The following CSMD3 variants were observed in gnomAD, a reference collection of about 807,000 sequenced individuals.
The protein encoded by CSMD3 is CUB and sushi domain-containing protein 3.
Under a neutral mutation model 435.2 loss-of-function variants are expected in CSMD3, and 177 were observed. That is an observed-to-expected ratio of 0.41 (90% confidence interval 0.36 to 0.46). The LOEUF (loss-of-function observed/expected upper bound fraction) is 0.46. Ranked by LOEUF, CSMD3 falls within the 20% of genes least tolerant of loss-of-function variation. CSMD3 has a pLI of 0.34. For synonymous variants in CSMD3, 1,656 were observed against 1,520.5 expected (o/e 1.09, Z -2.07); for missense variants, 4,265 against 4,504.6 (o/e 0.95, Z 1.52).
At chr8:112,337,443 T>C (rs973300224) in intron 43 of CSMD3, 100 bp downstream of exon 43, 11 of 884,816 alleles carry the variant, frequency 1.2e-5, no homozygotes, top group African/African-American at 1.2e-4. Flanking sequence ...AGACTATATA[T>C]TTAGCATGCT....
At chr8:113,158,000 G>A (rs1554792845) in intron 4 of CSMD3, among the ~76,000 whole-genome samples, 1 of 151,866 alleles carries the variant, frequency 6.6e-6, no homozygotes, top group Non-Finnish European at 1.5e-5. Flanking sequence ...GAAGAATTTT[G>A]AAATCATTTC....
chr8:112,506,546 C>T, intron 29 of CSMD3, 145 bp downstream of exon 29: 1 of 748,190 alleles, frequency 1.3e-6, no homozygotes, highest in South Asian at 1.7e-5. Flanking sequence ...AGTGGCAAAG[C>T]TAGAACAACT....
At chr8:112,284,477 G>A (rs1395950649) in intron 58 of CSMD3, among the ~76,000 whole-genome samples, 1 of 151,268 alleles carries the variant, frequency 6.6e-6, no homozygotes, top group Non-Finnish European at 1.5e-5. Context: ...ATTTCTCATG[G>A]TTCTAATATA....
intron 45 of CSMD3, among the ~76,000 whole-genome samples, chr8:112,323,536 A>G (rs1168202064): frequency 6.6e-6 from 1 of 152,076 alleles, no homozygotes; most frequent in African/African-American, 2.4e-5. Context: ...CCTATAAAAT[A>G]AAAAGAGACA....
At chr8:112,964,250 A>C (rs940134155) in intron 7 of CSMD3, among the ~76,000 whole-genome samples, 4 of 151,994 alleles carry the variant, frequency 2.6e-5, no homozygotes, top group African/African-American at 9.7e-5. Flanking sequence ...TATAGATAAC[A>C]TAATTCCATA....
At chr8:112,756,407 A>T (rs1352126587) in intron 13 of CSMD3, among the ~76,000 whole-genome samples, 1 of 152,180 alleles carries the variant, frequency 6.6e-6, no homozygotes, top group African/African-American at 2.4e-5. Flanking sequence ...CCTTACCTAA[A>T]GGAATAAATC....
chr8:112,742,301 A>G (rs1056518033), intron 13 of CSMD3, among the ~76,000 whole-genome samples: 3 of 152,012 alleles, frequency 2.0e-5, no homozygotes, highest in Admixed American at 6.6e-5. Context: ...GTCTTAAGAT[A>G]TAACATTTCT....
At chr8:113,050,232 GTA>G (rs1377058210) in intron 5 of CSMD3, among the ~76,000 whole-genome samples, 1 of 151,854 alleles carries the variant, frequency 6.6e-6, no homozygotes, top group African/African-American at 2.4e-5. Context: ...ATATGTGTAT[GTA>G]TATGTGTGGG....
chr8:113,131,727 C>A (rs181908336), intron 4 of CSMD3, among the ~76,000 whole-genome samples: 30 of 152,274 alleles, frequency 2.0e-4, no homozygotes, highest in African/African-American at 7.0e-4. Context: ...CTGTCTTCCA[C>A]ACCCTAAAAC....
chr8:112,409,212 C>A (rs1832121025), intron 32 of CSMD3, among the ~76,000 whole-genome samples, 180 bp from the exon 33 acceptor site: 1 of 151,974 alleles, frequency 6.6e-6, no homozygotes, highest in East Asian at 1.9e-4. Flanking sequence ...ACATGTACTT[C>A]AGGTCATAAA....
At chr8:112,269,645 C>T (rs1454026927) in intron 59 of CSMD3, among the ~76,000 whole-genome samples, 4 of 152,012 alleles carry the variant, frequency 2.6e-5, no homozygotes, top group Non-Finnish European at 5.9e-5. Context: ...AGCTAAGGAT[C>T]CCCTTATAAT....
chr8:113,423,831 G>A (rs1157242240), intron 1 of CSMD3, among the ~76,000 whole-genome samples: 1 of 151,736 alleles, frequency 6.6e-6, no homozygotes, highest in African/African-American at 2.4e-5. Flanking sequence ...GTTACTCAAA[G>A]CCATTTTTTC....
At chr8:112,956,424 C>A (rs1030660657) in intron 7 of CSMD3, among the ~76,000 whole-genome samples, 1 of 152,006 alleles carries the variant, frequency 6.6e-6, no homozygotes, top group Admixed American at 6.6e-5. Context: ...TTAACAAAAT[C>A]TGCATTTTGT....
At chr8:112,706,737 G>C (rs2076506500) in intron 13 of CSMD3, among the ~76,000 whole-genome samples, 2 of 152,122 alleles carry the variant, frequency 1.3e-5, no homozygotes, top group South Asian at 4.2e-4. Context: ...CATTCTGGCT[G>C]TGCACACCAA....
chr8:112,777,267 C>A (rs958523497), intron 13 of CSMD3, among the ~76,000 whole-genome samples: 17 of 151,670 alleles, frequency 1.1e-4, no homozygotes, highest in Non-Finnish European at 5.9e-5. Context: ...AGAACACAAA[C>A]CACGGAAAGA....
intron 11 of CSMD3, among the ~76,000 whole-genome samples, chr8:112,851,993 C>T (rs975370336): frequency 6.6e-6 from 1 of 151,998 alleles, no homozygotes; most frequent in Non-Finnish European, 1.5e-5. Flanking sequence ...GTTCAGGGGT[C>T]AACAGAGCAG....
At chr8:112,722,891 C>T (rs1168641316) in intron 13 of CSMD3, among the ~76,000 whole-genome samples, 1 of 151,946 alleles carries the variant, frequency 6.6e-6, no homozygotes, top group Non-Finnish European at 1.5e-5. Context: ...GATCAAAAAT[C>T]ACAAAATATG....
chr8:112,858,155 G>A (rs1043855945), intron 11 of CSMD3, among the ~76,000 whole-genome samples: 2 of 151,420 alleles, frequency 1.3e-5, no homozygotes, highest in African/African-American at 2.4e-5. Context: ...AAAAATTCCC[G>A]GGAGGCAATA....
At chr8:113,120,384 A>G (rs2090953181) in intron 4 of CSMD3, among the ~76,000 whole-genome samples, 1 of 152,166 alleles carries the variant, frequency 6.6e-6, no homozygotes, top group South Asian at 2.1e-4. Flanking sequence ...TGATAGATTT[A>G]TATGCATGTT....
Sources: gnomAD v4.1 joint callset for allele counts (sites outside exome capture counted in the v4.1 genomes callset) on GRCh38, gnomAD v4.1.1 for gene constraint, MANE v1.5 for transcripts, NCBI Gene and HGNC (gene_info 2026-07-23, HGNC 2026-07-21) for gene names.